LOC128125822: variants seen among roughly 807,000 people sequenced by gnomAD.
the LOC128125822 span, chr6:63,578,551 T>G: frequency 5.0e-6 from 8 of 1,603,672 alleles, no homozygotes; most frequent in African/African-American, 9.4e-5. Context: ...ACAGTTCTTA[T>G]GGGTTTATGG....
At chr6:63,579,454 A>T in the LOC128125822 span, 1 of 632,006 alleles carries the variant, frequency 1.6e-6, no homozygotes, top group Non-Finnish European at 2.5e-6. Context: ...TATTAAAACC[A>T]GGAAATCAAG....
the LOC128125822 span, chr6:63,579,055 A>G: frequency 6.5e-7 from 1 of 1,548,704 alleles, no homozygotes; most frequent in Non-Finnish European, 8.7e-7. Context: ...ATTTGATTCT[A>G]GGTAAAAATC....
chr6:63,576,649 G>A, the LOC128125822 span: 1 of 556,436 alleles, frequency 1.8e-6, no homozygotes, highest in South Asian at 2.5e-5. Context: ...CCTGGATGGG[G>A]TAAACCTCAG....
the LOC128125822 span, chr6:63,578,420 A>C: frequency 6.3e-7 from 1 of 1,595,750 alleles, no homozygotes; most frequent in Non-Finnish European, 8.5e-7. Flanking sequence ...GATTTTTTTA[A>C]TGTACGTTTT....
At chr6:63,573,153 CG>C in the LOC128125822 span, 2 of 156,434 alleles carry the variant, frequency 1.3e-5, no homozygotes, top group Non-Finnish European at 2.8e-5. Context: ...CGCGGCGTCC[CG>C]GGGCCTCTTT....
chr6:63,577,089 C>T, the LOC128125822 span: 1 of 803,448 alleles, frequency 1.2e-6, no homozygotes, highest in African/African-American at 1.8e-5. Flanking sequence ...GATGATATAC[C>T]TACAATTCCA....
chr6:63,581,750 C>T, the LOC128125822 span: 2 of 152,086 alleles, frequency 1.3e-5, no homozygotes, highest in East Asian at 3.9e-4. Flanking sequence ...AAGCTCAGTT[C>T]CACTAGTTCA....
chr6:63,583,057 A>G, the LOC128125822 span: 1 of 152,190 alleles, frequency 6.6e-6, no homozygotes, highest in Admixed American at 6.5e-5. Context: ...GGCAAAGAAC[A>G]TAAAAGATGG....
the LOC128125822 span, chr6:63,573,462 G>C: frequency 1.3e-5 from 2 of 152,168 alleles, no homozygotes; most frequent in Non-Finnish European, 2.9e-5. Context: ...GCCCGCGCCT[G>C]ACTGAAGGCG....
At chr6:63,577,263 A>G in the LOC128125822 span, among the ~76,000 whole-genome samples, 1 of 152,184 alleles carries the variant, frequency 6.6e-6, no homozygotes, top group Non-Finnish European at 1.5e-5. Context: ...AGAAATTTAC[A>G]TGGGAAAGGT....
the LOC128125822 span, among the ~76,000 whole-genome samples, chr6:63,579,760 A>T: frequency 1.3e-5 from 2 of 152,228 alleles, no homozygotes; most frequent in African/African-American, 2.4e-5. Context: ...CTGCTACCAG[A>T]GGCAACTTCT....
the LOC128125822 span, chr6:63,578,650 A>G: frequency 7.3e-7 from 1 of 1,361,950 alleles, no homozygotes; most frequent in Non-Finnish European, 9.8e-7. Flanking sequence ...AAAAACAAAT[A>G]TTATATTATT....
At chr6:63,582,597 G>C in the LOC128125822 span, 1 of 152,410 alleles carries the variant, frequency 6.6e-6, no homozygotes, top group African/African-American at 2.4e-5. Flanking sequence ...ATCTGATAGT[G>C]TTCTAAAATT....
At chr6:63,579,375 C>T in the LOC128125822 span, 3 of 1,446,712 alleles carry the variant, frequency 2.1e-6, no homozygotes, top group South Asian at 3.7e-5. Context: ...CTTTCATTTC[C>T]TTGTTGAGTG....
chr6:63,577,050 C>G, the LOC128125822 span: 3 of 1,303,816 alleles, frequency 2.3e-6, no homozygotes, highest in Non-Finnish European at 3.2e-6. Context: ...TTATAGCTAA[C>G]AAAATAAAAA....
At chr6:63,582,281 A>C in the LOC128125822 span, 1 of 152,610 alleles carries the variant, frequency 6.6e-6, no homozygotes, top group African/African-American at 2.4e-5. Flanking sequence ...CACACAGCCC[A>C]TAAAACAGCA....
the LOC128125822 span, among the ~76,000 whole-genome samples, chr6:63,573,797 T>A: frequency 3.3e-5 from 5 of 152,158 alleles, no homozygotes; most frequent in East Asian, 9.6e-4. Context: ...ACAGGGCTAC[T>A]GTTAGTTACA....
At chr6:63,576,830 A>AT in the LOC128125822 span, 5 of 1,457,662 alleles carry the variant, frequency 3.4e-6, no homozygotes, top group Non-Finnish European at 4.7e-6. Flanking sequence ...TCTGTATTCA[A>AT]TTTTTTTAAT....
chr6:63,574,468 T>C, the LOC128125822 span, among the ~76,000 whole-genome samples: 1 of 152,260 alleles, frequency 6.6e-6, no homozygotes, highest in Middle Eastern at 3.4e-3. Flanking sequence ...CCACCACTGC[T>C]TTAACAGACG....
Sources: allele counts gnomAD v4.1 joint callset (sites outside exome capture counted in the v4.1 genomes callset), GRCh38; gene constraint gnomAD v4.1.1; transcripts MANE v1.5.